The following SEC31A variants were observed in gnomAD, a reference collection of about 807,000 sequenced individuals.
The protein encoded by SEC31A is SEC31 homolog A, COPII component, also known as protein transport protein Sec31A.
In SEC31A, 70 loss-of-function variants were observed where a neutral mutation model predicts 151.0. That is an observed-to-expected ratio of 0.46 (90% CI 0.38 to 0.57). The LOEUF is 0.57. SEC31A is among the 20% of genes least tolerant of loss of function. The probability of loss-of-function intolerance (pLI) is 0.00; values close to 1 mark genes in which losing one functional copy is unlikely to be tolerated. For synonymous variants in SEC31A, 475 were observed against 505.9 expected, an observed-to-expected ratio of 0.94 and a Z score of 0.82; for missense variants, 1,330 against 1,471.2, an observed-to-expected ratio of 0.90 and a Z score of 1.57.
intron 7 of SEC31A, 28 bp downstream of exon 7, chr4:82,871,916 C>T: frequency 1.9e-6 from 3 of 1,613,620 alleles, no homozygotes; most frequent in Non-Finnish European, 2.5e-6. Context: ...ATAAACAAAT[C>T]AAGTTCTTTG....
chr4:82,900,459 G>C (rs1188193907), exon 1 of SEC31A: 5 of 291,282 alleles, frequency 1.7e-5, no homozygotes, highest in Non-Finnish European at 2.6e-5. Context: ...CTCACAAGAA[G>C]GACGATGGCG....
Position 82,842,341 on chromosome 4 carries a change from A to C in SEC31A, c.2767T>G (p.Ser923Ala). 6.2e-7 allele frequency: 1 copy of C among 1,613,686 alleles called. No individual in the cohort carries two copies. The highest frequency in any genetic ancestry group is 8.5e-7 in the Non-Finnish European group (1 of 1,179,794). Residue 923 changes from serine (S) to alanine (A), a missense_variant, in exon 22 of 27, where the codon TCT becomes GCT. Physicochemically the swap from Ser to Ala is moderately conservative, Grantham distance 99 (BLOSUM62 1). Transcript: ENST00000395310. The stretch of plus-strand genomic sequence containing the variant: ...TGGTGCTGTGCTGCGTACAGCTGAG[A>C]CTGCCCAGTATAGGAAGAAGCAGAA... ...ISSASSYTGQ[S>A]QLYAAQHQAS...
upstream of SEC31A, chr4:82,895,287 A>G (rs1720017733): frequency 6.6e-6 from 1 of 152,206 alleles, no homozygotes; most frequent in Non-Finnish European, 1.5e-5. Flanking sequence ...TCTGGCCAAC[A>G]TGGCAAAACA....
chr4:82,879,660 G>A (rs1227353642), intron 3 of SEC31A, among the ~76,000 whole-genome samples: 1 of 152,176 alleles, frequency 6.6e-6, no homozygotes, highest in African/African-American at 2.4e-5. Flanking sequence ...TGAAGAATAT[G>A]AGCGGTCCCA....
rs111330563 is a variant in SEC31A, at chr4:82,887,770, T to C, written c.-5+3318A>G. Among the ~76,000 whole-genome samples, 990 of 152,218 alleles carry C rather than the reference T, an allele frequency of 6.5e-3. 16 individuals carry two copies. Among genetic ancestry groups the C allele is most frequent in the South Asian group, 5.8e-3 (28 of 4,824 alleles). ...ACCACCACGAAACTTCAAAAATACA[T>C]CTATTAGGCCGGGCGCGGTGGCTCA... On this transcript the variant is annotated intron_variant, in intron 1 of 26. Transcript: ENST00000395310.
upstream of SEC31A, chr4:82,891,238 A>C: frequency 6.9e-7 from 1 of 1,451,248 alleles, no homozygotes; most frequent in Non-Finnish European, 9.3e-7. Flanking sequence ...CCCTGCGCCC[A>C]ACACTTCCGG....
At chr4:82,880,418 T>C (rs932776238) in intron 3 of SEC31A, among the ~76,000 whole-genome samples, 2 of 151,180 alleles carry the variant, frequency 1.3e-5, no homozygotes, top group Non-Finnish European at 2.9e-5. Context: ...GGCAAAACCC[T>C]GTCGCTACTA....
chr4:82,866,503 G>C (rs1281229647), intron 10 of SEC31A, among the ~76,000 whole-genome samples: 1 of 151,634 alleles, frequency 6.6e-6, no homozygotes, highest in African/African-American at 2.4e-5. Flanking sequence ...AAATGGAGGA[G>C]GGGAGGAATA....
chr4:82,890,834 C>T lies in SEC31A; in HGVS notation c.-5+254G>A, dbSNP rs181742425. 6,699 of 1,327,166 alleles carry T rather than the reference C, an allele frequency of 5.0e-3. 36 individuals carry two copies. Among genetic ancestry groups the T allele is most frequent in the Middle Eastern group, 0.025 (86 of 3,488 alleles). 82.2% of individuals were successfully genotyped at this position (1,327,166 alleles called of 1,614,324 possible). A position where few individuals can be genotyped will look rare whatever the true frequency, so the allele number is the denominator to read the frequency against. On this transcript the variant is annotated intron_variant, in intron 1 of 26. Transcript: ENST00000395310. Reference sequence around the variant, plus strand: ...CTACTACTCCCCGGCAAGACACTGTCGCCAGCCTCGGGTGGCTTTTGCTCA... The same window carrying T: ...CTACTACTCCCCGGCAAGACACTGTTGCCAGCCTCGGGTGGCTTTTGCTCA...
At chr4:82,863,136 TCTGGCAAC>T in intron 12 of SEC31A, 174 bp downstream of exon 12, 1 of 528,616 alleles carries the variant, frequency 1.9e-6, no homozygotes, top group Non-Finnish European at 3.3e-6. Flanking sequence ...TATTCAAAAC[TCTGGCAAC>T]CACTGTGGGT....
At chr4:82,886,711 CATTGATCTAA>C (rs1368766945) in intron 1 of SEC31A, among the ~76,000 whole-genome samples, 1 of 152,186 alleles carries the variant, frequency 6.6e-6, no homozygotes, top group African/African-American at 2.4e-5. Context: ...ATTCAATCCA[CATTGATCTAA>C]ATACTCCCCG....
In SEC31A at chr4:82,851,580, G is replaced by A; in HGVS notation, c.2179C>T (p.Leu727=). Residue 727 remains leucine, a synonymous_variant, in exon 19 of 27, where the codon CTG becomes TTG. Coordinates refer to ENST00000395310, the MANE Select transcript of SEC31A (RefSeq NM_001077207.4). ...LQDLIEKVVI[L]RKAVQLTQAM... ...TGAGTGAGTTGCACAGCTTTTCGCA[G>A]GATGACAACTTTCTCAATCAGATCC... 1 of 1,609,870 alleles carries A rather than the reference G, an allele frequency of 6.2e-7. No homozygotes were observed. Among genetic ancestry groups the A allele is most frequent in the Non-Finnish European group, 8.5e-7 (1 of 1,177,626 alleles).
intron 14 of SEC31A, among the ~76,000 whole-genome samples, chr4:82,859,909 A>C (rs1023969812): frequency 6.6e-6 from 1 of 151,428 alleles, no homozygotes; most frequent in Non-Finnish European, 1.5e-5. Flanking sequence ...CTCCTGCCTC[A>C]GCCTCCCAAG....
chr4:82,861,101 G>T (rs1388001421), intron 14 of SEC31A, among the ~76,000 whole-genome samples: 1 of 149,954 alleles, frequency 6.7e-6, no homozygotes, highest in African/African-American at 2.4e-5. Context: ...AAATTAAAAG[G>T]AAAAATTAAT....
intron 1 of SEC31A, among the ~76,000 whole-genome samples, chr4:82,885,761 G>A (rs1740558014): frequency 6.6e-6 from 1 of 151,940 alleles, no homozygotes; most frequent in Non-Finnish European, 1.5e-5. Context: ...TTACATTATT[G>A]GACATTTAAC....
intron 18 of SEC31A, among the ~76,000 whole-genome samples, chr4:82,851,810 ATAGGAAGGT>A (rs1223094291): frequency 6.6e-6 from 1 of 152,230 alleles, no homozygotes; most frequent in Non-Finnish European, 1.5e-5. Context: ...ATAGGGTAGG[ATAGGAAGGT>A]TACCACCTTT....
At position 82,855,082 on chromosome 4, in the gene SEC31A, AATTAATT is replaced by A. The variant is rs527779625; in HGVS notation, c.1882-60_1882-54del. 1.3e-3 allele frequency: 1,949 copies of A among 1,461,938 alleles called. 12 individuals carry two copies. Among genetic ancestry groups the A allele is most frequent in the Non-Finnish European group, 1.5e-3 (1,604 of 1,092,848 alleles). The allele number at this position is 1,461,938 out of a possible 1,614,324, so 90.6% of individuals were successfully genotyped here. A position where few individuals can be genotyped will look rare whatever the true frequency, so the allele number is the denominator to read the frequency against. On this transcript the variant is annotated intron_variant, in intron 16 of 26. Transcript: ENST00000395310. ...TAAAAGTCTTTAACATAGCAATAAAAATTAATTCTGACTAATTAATTGTGTCAAGTAT... is the reference window on the plus strand; with the variant it reads ...TAAAAGTCTTTAACATAGCAATAAAACTGACTAATTAATTGTGTCAAGTAT...
chr4:82,860,847 C>T (rs1471250228), intron 14 of SEC31A, among the ~76,000 whole-genome samples: 1 of 151,970 alleles, frequency 6.6e-6, no homozygotes, highest in Non-Finnish European at 1.5e-5. Context: ...CTAGGAGATC[C>T]ACTTCTAAGG....
chr4:82,822,664 C>T (rs1723619347), intron 25 of SEC31A, among the ~76,000 whole-genome samples: 2 of 152,118 alleles, frequency 1.3e-5, no homozygotes. Context: ...GGAAAGGAAA[C>T]CTTACAATCC....
Sources: allele counts gnomAD v4.1 joint callset (sites outside exome capture counted in the v4.1 genomes callset), GRCh38; gene constraint gnomAD v4.1.1; transcripts MANE v1.5; gene names NCBI Gene and HGNC (gene_info 2026-07-23, HGNC 2026-07-21).